The following CHSY3 variants were observed in gnomAD, a reference collection of about 807,000 sequenced individuals.
CHSY3 encodes the protein chondroitin sulfate synthase 3.
A neutral mutation model predicts 67.2 loss-of-function variants in CHSY3; 35 were observed. That is an observed-to-expected ratio of 0.52 (90% CI 0.40 to 0.69). The LOEUF (loss-of-function observed/expected upper bound fraction) is 0.69, where lower values mean the gene tolerates loss of function less well. CHSY3 is among the 30% of genes least tolerant of loss of function. The pLI, the probability that CHSY3 is intolerant of heterozygous loss-of-function variation, is 0.00. For missense variants in CHSY3, 1,069 were observed against 1,138.5 expected, an observed-to-expected ratio of 0.94 and a Z score of 0.88; for synonymous variants, 474 against 434.7, an observed-to-expected ratio of 1.09 and a Z score of -1.12.
chr5:130,146,681 G>C (rs1769084069), intron 2 of CHSY3, among the ~76,000 whole-genome samples: 1 of 151,970 alleles, frequency 6.6e-6, no homozygotes, highest in Non-Finnish European at 1.5e-5. Context: ...TAAATACACT[G>C]ATTTCATCAT....
At chr5:130,148,192 T>C (rs1315057340) in intron 2 of CHSY3, among the ~76,000 whole-genome samples, 2 of 152,198 alleles carry the variant, frequency 1.3e-5, no homozygotes, top group Non-Finnish European at 2.9e-5. Flanking sequence ...AGGATAATGG[T>C]CTCTAGCTCC....
intron 2 of CHSY3, among the ~76,000 whole-genome samples, chr5:129,954,651 A>G (rs961155700): frequency 4.0e-5 from 6 of 151,792 alleles, no homozygotes; most frequent in Non-Finnish European, 8.8e-5. Context: ...GTCCTCTCTT[A>G]TTTCCTTGAG....
intron 2 of CHSY3, among the ~76,000 whole-genome samples, chr5:130,156,529 T>C (rs1287982475): frequency 6.6e-6 from 1 of 152,192 alleles, no homozygotes; most frequent in Non-Finnish European, 1.5e-5. Context: ...GCTGAGTGAT[T>C]TGAATGAAGG....
At chr5:130,134,688 T>C (rs76994556) in intron 2 of CHSY3, among the ~76,000 whole-genome samples, 6,892 of 152,270 alleles carry the variant, frequency 0.045, 428 homozygotes, top group East Asian at 0.27. Context: ...AATTTTTTAA[T>C]GTAGTTTTGT....
chr5:130,151,302 A>C (rs535690312), intron 2 of CHSY3, among the ~76,000 whole-genome samples: 1 of 152,214 alleles, frequency 6.6e-6, no homozygotes. Flanking sequence ...TGAGGCCCAA[A>C]ATGCCACTTT....
intron 2 of CHSY3, among the ~76,000 whole-genome samples, chr5:130,164,116 A>G (rs1266470278): frequency 6.6e-6 from 1 of 152,236 alleles, no homozygotes; most frequent in Non-Finnish European, 1.5e-5. Flanking sequence ...AGCCCTGTTA[A>G]TATGTCCTTC....
rs1355725717 is a variant in CHSY3, at chr5:129,904,523, C to G, written c.-307C>G. Reference sequence around the variant, plus strand: ...TGCCGCCGCCGCTGCTCCTCCTCCTCCTCCTGCAGCTCCTCCAGCTGCCGC... The same window carrying G: ...TGCCGCCGCCGCTGCTCCTCCTCCTGCTCCTGCAGCTCCTCCAGCTGCCGC... On this transcript the variant is annotated 5_prime_UTR_variant, in exon 1 of 3. Transcript: ENST00000305031. 3.5e-6 allele frequency: 1 copy of G among 289,792 alleles called. No individual in the cohort carries two copies. The highest frequency in any genetic ancestry group is 6.2e-6 in the Non-Finnish European group (1 of 161,734). 18.0% of individuals were successfully genotyped at this position (289,792 alleles called of 1,614,324 possible).
intron 2 of CHSY3, among the ~76,000 whole-genome samples, chr5:130,050,898 C>G (rs906052344): frequency 1.3e-5 from 2 of 152,076 alleles, no homozygotes; most frequent in African/African-American, 4.8e-5. Context: ...TATTAGCCAT[C>G]AGTAAGTTAA....
chr5:129,929,001 T>C (rs1398664374), intron 2 of CHSY3, among the ~76,000 whole-genome samples: 1 of 152,210 alleles, frequency 6.6e-6, no homozygotes, highest in African/African-American at 2.4e-5. Flanking sequence ...CTATATATTC[T>C]TCTCACAATG....
At chr5:129,982,893 A>G (rs1339697459) in intron 2 of CHSY3, among the ~76,000 whole-genome samples, 3 of 152,148 alleles carry the variant, frequency 2.0e-5, no homozygotes, top group Non-Finnish European at 4.4e-5. Context: ...TAAGAGTTAC[A>G]TAAGCGAATA....
At chr5:129,998,441 A>G (rs1763614018) in intron 2 of CHSY3, among the ~76,000 whole-genome samples, 1 of 152,216 alleles carries the variant, frequency 6.6e-6, no homozygotes, top group South Asian at 2.1e-4. Flanking sequence ...CAATGCTACA[A>G]TAATTATTAT....
At chr5:129,926,396 A>G (rs1328247834) in intron 2 of CHSY3, among the ~76,000 whole-genome samples, 2 of 151,960 alleles carry the variant, frequency 1.3e-5, no homozygotes, top group African/African-American at 4.8e-5. Flanking sequence ...AGATTTATGA[A>G]CATATAGTTT....
At chr5:130,036,332 AT>A (rs1201769210) in intron 2 of CHSY3, among the ~76,000 whole-genome samples, 1 of 152,000 alleles carries the variant, frequency 6.6e-6, no homozygotes, top group African/African-American at 2.4e-5. Flanking sequence ...TTACTTATAT[AT>A]TTTCCTAGTA....
chr5:130,007,243 G>A (rs564223979), intron 2 of CHSY3, among the ~76,000 whole-genome samples: 1 of 152,102 alleles, frequency 6.6e-6, no homozygotes, highest in Non-Finnish European at 1.5e-5. Context: ...TGTCACTGCT[G>A]TGAATTATAA....
intron 2 of CHSY3, among the ~76,000 whole-genome samples, chr5:130,145,456 C>T (rs1769045672): frequency 6.6e-6 from 1 of 152,102 alleles, no homozygotes; most frequent in Non-Finnish European, 1.5e-5. Flanking sequence ...AAATTCTAGA[C>T]TTTAAGGAGA....
intron 2 of CHSY3, among the ~76,000 whole-genome samples, chr5:130,142,719 C>T (rs1020303570): frequency 1.3e-5 from 2 of 151,932 alleles, no homozygotes; most frequent in African/African-American, 4.8e-5. Flanking sequence ...AGCTCCTAGG[C>T]TATTTGATCA....
intron 2 of CHSY3, among the ~76,000 whole-genome samples, chr5:130,161,119 T>G (rs1483439255): frequency 1.3e-5 from 2 of 152,000 alleles, no homozygotes; most frequent in African/African-American, 2.4e-5. Flanking sequence ...TTAGCCAGGA[T>G]GGTCTCGATC....
chr5:130,061,053 T>C (rs1765696043), intron 2 of CHSY3, among the ~76,000 whole-genome samples: 1 of 151,888 alleles, frequency 6.6e-6, no homozygotes, highest in Non-Finnish European at 1.5e-5. Context: ...CATAGAAGTA[T>C]AAAAAACTCC....
At chr5:129,935,197 G>C (rs1281697982) in intron 2 of CHSY3, among the ~76,000 whole-genome samples, 1 of 152,138 alleles carries the variant, frequency 6.6e-6, no homozygotes, top group African/African-American at 2.4e-5. Flanking sequence ...AGTCCCTTTA[G>C]TGTTTAAATA....
Sources: allele counts gnomAD v4.1 joint callset (sites outside exome capture counted in the v4.1 genomes callset), GRCh38; gene constraint gnomAD v4.1.1; transcripts MANE v1.5; gene names NCBI Gene and HGNC (gene_info 2026-07-23, HGNC 2026-07-21).